The following TEX14 variants were observed in gnomAD, a reference collection of about 807,000 sequenced individuals.
The protein encoded by TEX14 is inactive serine/threonine-protein kinase TEX14.
In TEX14, 168 loss-of-function variants were observed where a neutral mutation model predicts 178.6. That is an observed-to-expected ratio of 0.94 (90% confidence interval 0.83 to 1.07). The LOEUF (loss-of-function observed/expected upper bound fraction) is 1.07, where lower values mean the gene tolerates loss of function less well. Among genes scored for constraint, TEX14 ranks in the 50% least tolerant of loss-of-function variants. TEX14 has a pLI of 0.00. For synonymous variants in TEX14, 626 were observed against 634.1 expected (o/e 0.99, Z 0.19); for missense variants, 1,730 against 1,753.6 (o/e 0.99, Z 0.24).
chr17:58,621,868 CGAGGAGCT>C (rs1291005318), intron 4 of TEX14, 82 bp from the exon 5 acceptor site: 1 of 1,461,290 alleles, frequency 6.8e-7, no homozygotes, highest in Admixed American at 2.2e-5. Flanking sequence ...ATAAGTGGTC[CGAGGAGCT>C]GAGAGCCCCC....
rs2045376912 is a variant in TEX14, at chr17:58,599,512, G to A, written c.1833C>T (p.Ser611=). The A allele has an allele frequency of 6.2e-7, 1 of 1,613,914 alleles. No homozygotes were observed. Among genetic ancestry groups the A allele is most frequent in the Admixed American group, 1.7e-5 (1 of 59,972 alleles). The change falls in exon 14 of 32, where the codon AGC becomes AGT. Residue 611 remains serine, a synonymous_variant. Coordinates refer to ENST00000349033, the MANE Select transcript of TEX14 (RefSeq NM_031272.5). ...AACTGCAGAGGCTTGGCTGACCTGTGCTGGGGCTGCTGGCCTCTTCTGCCA... is the reference window on the plus strand; with the variant it reads ...AACTGCAGAGGCTTGGCTGACCTGTACTGGGGCTGCTGGCCTCTTCTGCCA... ...PFMAEEASSP[S]TGQPSLCSFE...
intron 3 of TEX14, 113 bp downstream of exon 3, chr17:58,630,327 A>AT: frequency 1.3e-6 from 1 of 742,656 alleles, no homozygotes; most frequent in Non-Finnish European, 2.3e-6. Context: ...AAGTGCTGGG[A>AT]TTATAGGTAT....
At chr17:58,646,581 C>G (rs1364881290) in intron 2 of TEX14, among the ~76,000 whole-genome samples, 1 of 152,182 alleles carries the variant, frequency 6.6e-6, no homozygotes, top group East Asian at 1.9e-4. Flanking sequence ...ATTCTCCCAC[C>G]TCAGTCTGCA....
At chr17:58,627,282 C>A (rs1397136385) in intron 3 of TEX14, among the ~76,000 whole-genome samples, 1 of 152,040 alleles carries the variant, frequency 6.6e-6, no homozygotes, top group East Asian at 1.9e-4. Flanking sequence ...CAGCTTTAAG[C>A]CTGGACAAAG....
chr17:58,559,378 C>G (rs2044223656), intron 30 of TEX14, 75 bp downstream of exon 30: 1 of 672,486 alleles, frequency 1.5e-6, no homozygotes, highest in African/African-American at 1.8e-5. Flanking sequence ...ATCTGGGAAA[C>G]ATTTCTAAAT....
chr17:58,614,592 C>T (rs541705177), intron 8 of TEX14, among the ~76,000 whole-genome samples: 2 of 152,376 alleles, frequency 1.3e-5, no homozygotes, highest in South Asian at 4.1e-4. Flanking sequence ...CAGGCTCCTT[C>T]TTTCAGCTTC....
At chr17:58,661,793 G>T (rs1212724152) in intron 1 of TEX14, 3 of 500,286 alleles carry the variant, frequency 6.0e-6, no homozygotes, top group Non-Finnish European at 1.0e-5. Flanking sequence ...GCTCCACTCC[G>T]GGTCTTCGTC....
intron 27 of TEX14, 98 bp from the exon 28 acceptor site, chr17:58,565,066 C>T: frequency 1.5e-6 from 1 of 676,400 alleles, no homozygotes. Flanking sequence ...AATCAGTGGT[C>T]CCTGAAGTGT....
chr17:58,634,371 C>G (rs2046387051), intron 2 of TEX14, among the ~76,000 whole-genome samples: 1 of 151,998 alleles, frequency 6.6e-6, no homozygotes, highest in African/African-American at 2.4e-5. Flanking sequence ...TGAGATTGTG[C>G]CACTGCACTC....
At chr17:58,626,522 A>G (rs2046145003) in intron 3 of TEX14, among the ~76,000 whole-genome samples, 1 of 129,004 alleles carries the variant, frequency 7.8e-6, no homozygotes, top group Non-Finnish European at 1.6e-5. Flanking sequence ...GTGAGCCAAG[A>G]CCGTGCCACT....
chr17:58,570,320 T>G lies in TEX14; in HGVS notation c.3817+65A>C. 3.8e-6 allele frequency: 4 copies of G among 1,064,784 alleles called. No homozygotes were observed. The East Asian group carries it at 8.7e-5, about 23-fold the overall frequency. 66.0% of individuals were successfully genotyped at this position (1,064,784 alleles called of 1,614,324 possible). ...TCTGAACCTAATGTGGCATCAAAGA[T>G]TGATAAGCATCAATTTAAGCCTCCT... On this transcript the variant is annotated intron_variant, in intron 25 of 31. Coordinates refer to ENST00000349033, the MANE Select transcript of TEX14 (RefSeq NM_031272.5).
At chr17:58,644,600 A>T (rs1042108703) in intron 2 of TEX14, among the ~76,000 whole-genome samples, 2 of 147,190 alleles carry the variant, frequency 1.4e-5, no homozygotes, top group Admixed American at 6.8e-5. Flanking sequence ...TCGGCCTCTC[A>T]AAGTGCTGGG....
intron 1 of TEX14, among the ~76,000 whole-genome samples, chr17:58,655,514 T>C (rs947769806): frequency 6.6e-6 from 1 of 151,934 alleles, no homozygotes; most frequent in African/African-American, 2.4e-5. Context: ...GAGATGGGGT[T>C]TCATAATGTT....
chr17:58,584,663 G>T, intron 18 of TEX14, 63 bp from the exon 19 acceptor site: 2 of 1,304,008 alleles, frequency 1.5e-6, no homozygotes, highest in Non-Finnish European at 2.2e-6. Flanking sequence ...CATGGAAGAG[G>T]ATAAAGGTGG....
chr17:58,638,235 G>A (rs1209058142), intron 2 of TEX14, among the ~76,000 whole-genome samples: 2 of 151,534 alleles, frequency 1.3e-5, no homozygotes, highest in African/African-American at 2.4e-5. Flanking sequence ...TAGGCTGGAC[G>A]TGGTATCTCA....
At chr17:58,682,262 CTTTT>C (rs36042986) in intron 1 of TEX14, among the ~76,000 whole-genome samples, 1 of 141,970 alleles carries the variant, frequency 7.0e-6, no homozygotes, top group East Asian at 2.1e-4. Flanking sequence ...CAGAGTCTTT[CTTTT>C]TTTTTTTTTG....
intron 1 of TEX14, among the ~76,000 whole-genome samples, chr17:58,656,944 A>AG (rs1239793806): frequency 4.7e-4 from 60 of 128,608 alleles, no homozygotes; most frequent in African/African-American, 1.4e-3. Flanking sequence ...AAAAAAAAAA[A>AG]AAAAAGAAAA....
At position 58,579,747 on chromosome 17, in the gene TEX14, A is replaced by G. The variant is rs773306977; in HGVS notation, c.3172-16T>C. 9 of 1,604,484 alleles carry G rather than the reference A, an allele frequency of 5.6e-6. No homozygotes were observed. Among genetic ancestry groups the G allele is most frequent in the Admixed American group, 1.7e-5 (1 of 59,904 alleles). On this transcript the variant is annotated splice_polypyrimidine_tract_variant and intron_variant, in intron 19 of 31. Transcript: ENST00000349033. Reference sequence around the variant, plus strand: ...GACTCGAGGTCTAAAAAAGAACAAAAGAAAAGCAAAGAAAGGAGGTTCACT... The same window carrying G: ...GACTCGAGGTCTAAAAAAGAACAAAGGAAAAGCAAAGAAAGGAGGTTCACT...
At chr17:58,688,431 AT>A (rs886447683) in intron 1 of TEX14, among the ~76,000 whole-genome samples, 3 of 152,142 alleles carry the variant, frequency 2.0e-5, no homozygotes, top group African/African-American at 7.2e-5. Context: ...AATTGTAAAC[AT>A]TTTTAAAAAA....
Sources: gnomAD v4.1 joint callset for allele counts (sites outside exome capture counted in the v4.1 genomes callset) on GRCh38, gnomAD v4.1.1 for gene constraint, MANE v1.5 for transcripts, NCBI Gene and HGNC (gene_info 2026-07-23, HGNC 2026-07-21) for gene names.